The following HKDC1 variants were observed in gnomAD, a reference collection of about 807,000 sequenced individuals.
HKDC1 encodes hexokinase HKDC1.
Under a neutral mutation model 96.6 loss-of-function variants are expected in HKDC1, and 66 were observed. That is an observed-to-expected ratio of 0.68 (90% confidence interval 0.56 to 0.84). The LOEUF is 0.84. Among genes scored for constraint, HKDC1 ranks in the 40% least tolerant of loss-of-function variants. The pLI is 0.00. For missense variants in HKDC1, 1,211 were observed against 1,208.1 expected (o/e 1.00, Z -0.04); for synonymous variants, 466 against 473.1 (o/e 0.98, Z 0.20).
rs1843923417 is a variant in HKDC1, at chr10:69,267,415, A to T, written c.*658A>T. On this transcript the variant is annotated 3_prime_UTR_variant, in exon 18 of 18. Transcript: ENST00000354624. ...TTTTGTTCCTTATTAAGTGTGTGCC[A>T]TGTGGTGGGGTGCTGTCTGGGGCAT... 1 of 443,858 alleles carries T rather than the reference A, an allele frequency of 2.3e-6. No individual in the cohort carries two copies. The highest frequency in any genetic ancestry group is 7.0e-5 in the East Asian group (1 of 14,354). 27.5% of individuals were successfully genotyped at this position (443,858 alleles called of 1,614,324 possible).
chr10:69,245,889 A>G (rs1843533072), intron 7 of HKDC1, among the ~76,000 whole-genome samples, 190 bp from the exon 8 acceptor site: 1 of 152,208 alleles, frequency 6.6e-6, no homozygotes, highest in Admixed American at 6.5e-5. Flanking sequence ...GCTCGATGTG[A>G]GAATGGTACC....
rs1031271452 is a variant in HKDC1, at chr10:69,267,441, C to G, written c.*684C>G. ...TGTGGTGGGGTGCTGTCTGGGGCAT[C>G]TGTTTTTCATTTTGCCTGTGGTTTG... On this transcript the variant is annotated 3_prime_UTR_variant, in exon 18 of 18. Coordinates refer to ENST00000354624, the MANE Select transcript of HKDC1 (RefSeq NM_025130.4). The G allele has an allele frequency of 1.1e-5, 5 of 454,914 alleles. No homozygotes were observed. The highest frequency in any genetic ancestry group is 8.0e-5 in the African/African-American group (4 of 49,928). The allele number at this position is 454,914 out of a possible 1,614,324, so 28.2% of individuals were successfully genotyped here. A position where few individuals can be genotyped will look rare whatever the true frequency, so the allele number is the denominator to read the frequency against.
At chr10:69,244,423 A>G (rs966696547) in intron 7 of HKDC1, among the ~76,000 whole-genome samples, 4 of 152,200 alleles carry the variant, frequency 2.6e-5, no homozygotes, top group Non-Finnish European at 5.9e-5. Flanking sequence ...CTCCAGGCAC[A>G]TGCCTGTGCT....
chr10:69,228,319 T>G (rs955833360), intron 2 of HKDC1, among the ~76,000 whole-genome samples: 1 of 152,200 alleles, frequency 6.6e-6, no homozygotes, highest in Non-Finnish European at 1.5e-5. Context: ...TTAGTCATGC[T>G]TAGATAATCC....
intron 9 of HKDC1, among the ~76,000 whole-genome samples, chr10:69,248,083 G>A (rs965522787): frequency 2.6e-5 from 4 of 152,206 alleles, no homozygotes; most frequent in Admixed American, 1.3e-4. Flanking sequence ...TTTGGCTACC[G>A]GGGTGGACTT....
chr10:69,221,186 A>T (rs999975695), intron 1 of HKDC1, among the ~76,000 whole-genome samples: 2 of 152,248 alleles, frequency 1.3e-5, no homozygotes, highest in South Asian at 4.1e-4. Context: ...CTGTTTGTTC[A>T]TGTATTTGAA....
intron 15 of HKDC1, among the ~76,000 whole-genome samples, chr10:69,259,891 T>G (rs1026052281): frequency 6.6e-6 from 1 of 152,180 alleles, no homozygotes; most frequent in African/African-American, 2.4e-5. Context: ...CCTCCAATAC[T>G]GGGGATTGTA....
intron 12 of HKDC1, among the ~76,000 whole-genome samples, chr10:69,252,656 A>C (rs1221844416): frequency 4.6e-5 from 7 of 151,132 alleles, no homozygotes; most frequent in African/African-American, 7.3e-5. Flanking sequence ...AAAAAAAAAA[A>C]AAAAAAACTG....
intron 2 of HKDC1, among the ~76,000 whole-genome samples, chr10:69,228,831 A>T (rs1193576962): frequency 6.6e-6 from 1 of 151,960 alleles, no homozygotes; most frequent in Non-Finnish European, 1.5e-5. Context: ...GCGCCACTGC[A>T]CTCCAGCCTG....
intron 6 of HKDC1, among the ~76,000 whole-genome samples, chr10:69,242,956 G>C (rs1843475854): frequency 6.6e-6 from 1 of 152,230 alleles, no homozygotes; most frequent in South Asian, 2.1e-4. Context: ...ACTCCATTCA[G>C]AACAGCAAAC....
intron 1 of HKDC1, among the ~76,000 whole-genome samples, chr10:69,220,890 C>T (rs895266500): frequency 2.6e-5 from 4 of 152,226 alleles, no homozygotes; most frequent in Non-Finnish European, 5.9e-5. Flanking sequence ...TGGCTCACGC[C>T]TGTAATCCTA....
At chr10:69,254,587 TC>T (rs769633388) in intron 12 of HKDC1, among the ~76,000 whole-genome samples, 6 of 152,208 alleles carry the variant, frequency 3.9e-5, no homozygotes, top group Non-Finnish European at 8.8e-5. Flanking sequence ...ATCTCCCTGT[TC>T]CTTGGTTTCC....
At chr10:69,265,874 G>A (rs1589418733) in intron 17 of HKDC1, 56 bp downstream of exon 17, 1 of 1,307,054 alleles carries the variant, frequency 7.7e-7, no homozygotes. Context: ...GCGGCCAAGT[G>A]TGGACTTGGC....
Position 69,248,435 on chromosome 10 carries a change from G to T in HKDC1, c.1277G>T (p.Arg426Leu), listed in dbSNP as rs541792195. Residue 426 changes from arginine (R) to leucine (L), a missense_variant, in exon 10 of 18, where the codon CGC becomes CTC. Transcript: ENST00000354624. ...CACCCCTGCTTCAGGTACCCAAAAC[G>T]CCTGCACAAGGTGGTGAGGAAACTG... is the stretch of plus-strand genomic sequence containing the variant. ...LYKIHPQYPK[R>L]LHKVVRKLVP... is the part of the protein sequence containing the mutation. 28 of 1,558,658 alleles carry T rather than the reference G, an allele frequency of 1.8e-5. 1 individual carries two copies. The South Asian group carries it at 2.4e-4, about 13-fold the overall frequency.
chr10:69,246,996 C>A (rs1269461683), intron 8 of HKDC1, among the ~76,000 whole-genome samples: 2 of 152,270 alleles, frequency 1.3e-5, no homozygotes, highest in African/African-American at 4.8e-5. Flanking sequence ...GTGCTAGAAT[C>A]TAACTGCTAA....
intron 1 of HKDC1, among the ~76,000 whole-genome samples, chr10:69,223,470 T>C (rs1305140819): frequency 6.6e-6 from 1 of 152,182 alleles, no homozygotes; most frequent in African/African-American, 2.4e-5. Flanking sequence ...CAATGTCTTC[T>C]TAATATCCAA....
At chr10:69,251,380 G>A (rs191157791) in intron 12 of HKDC1, among the ~76,000 whole-genome samples, 160 of 152,228 alleles carry the variant, frequency 1.1e-3, no homozygotes, top group Middle Eastern at 3.4e-3. Flanking sequence ...ACAGGTGTGA[G>A]CCACCACACC....
chr10:69,232,912 G>A lies in HKDC1; in HGVS notation c.375G>A (p.Glu125=), dbSNP rs1843292668. Residue 125 remains glutamate, a splice_region_variant and synonymous_variant, in exon 3 of 18, where the codon GAG becomes GAA. Transcript: ENST00000354624. ...PNEIIRGNGT[E]LFEYVADCLA... The stretch of plus-strand genomic sequence containing the variant: ...AAATCATCCGCGGGAACGGCACAGA[G>A]GTACCTGGCAGGTGGCTCCTGTGAC... The A allele has an allele frequency of 1.2e-6, 2 of 1,612,296 alleles. No individual in the cohort carries two copies. Among genetic ancestry groups the A allele is most frequent in the East Asian group, 2.2e-5 (1 of 44,890 alleles).
rs115862169 is a variant in HKDC1 at position 69,246,006 on chromosome 10, G to A, written c.876-73G>A. ...CATGTGCTCCTTCCTGTGGGCAGTGGCTCCTGGTCTTCGGGAAATGATGCA... is the reference window on the plus strand; with the variant it reads ...CATGTGCTCCTTCCTGTGGGCAGTGACTCCTGGTCTTCGGGAAATGATGCA... On this transcript the variant is annotated intron_variant, in intron 7 of 17. Transcript: ENST00000354624. 1.4e-4 allele frequency: 220 copies of A among 1,568,848 alleles called. No homozygotes were observed. In the African/African-American group the frequency reaches 2.6e-3, roughly 18 times the overall value.
Sources: gnomAD v4.1 joint callset for allele counts (sites outside exome capture counted in the v4.1 genomes callset) on GRCh38, gnomAD v4.1.1 for gene constraint, MANE v1.5 for transcripts, NCBI Gene and HGNC (gene_info 2026-07-23, HGNC 2026-07-21) for gene names.